ACAA1: variants seen among roughly 807,000 people sequenced by gnomAD.
ACAA1 encodes 3-ketoacyl-CoA thiolase, peroxisomal.
In ACAA1, 44 loss-of-function variants were observed where a neutral mutation model predicts 48.8. That is an observed-to-expected ratio of 0.90 (90% CI 0.71 to 1.16). The LOEUF is 1.16. Ranked by LOEUF, ACAA1 falls within the 50% of genes most tolerant of loss-of-function variation. The pLI is 0.00. For missense variants in ACAA1, 512 were observed against 562.3 expected (o/e 0.91, Z 0.90); for synonymous variants, 233 against 226.5 (o/e 1.03, Z -0.26).
At position 38,126,862 on chromosome 3, in the gene ACAA1, CCTT is replaced by C. The variant is rs1318533688; in HGVS notation, c.627-165_627-163del. On this transcript the variant is annotated intron_variant, in intron 7 of 11. Coordinates refer to ENST00000333167, the MANE Select transcript of ACAA1 (RefSeq NM_001607.4). The surrounding 1 kb of genome is among the most constrained non-coding windows in gnomAD (Gnocchi z 4.7). ...AGGGCATGGCTAAGGCCTTACAGGG[CCTT>C]CTTCACCATCAGCCCCAGACCTCCA... is the stretch of plus-strand genomic sequence containing the variant. Among the ~76,000 whole-genome samples the C allele has an allele frequency of 1.3e-5, 2 of 152,212 alleles. No homozygotes were observed. Among genetic ancestry groups the C allele is most frequent in the African/African-American group, 2.4e-5 (1 of 41,450 alleles).
chr3:38,128,163 G>A (rs1045970358), intron 6 of ACAA1, among the ~76,000 whole-genome samples: 5 of 152,212 alleles, frequency 3.3e-5, no homozygotes, highest in African/African-American at 9.6e-5. Context: ...GTTGCAGAAA[G>A]GAGTTTGTTC....
Position 38,131,911 on chromosome 3 carries a change from C to T in ACAA1, c.403+15G>A. On this transcript the variant is annotated intron_variant, in intron 4 of 11. Coordinates refer to ENST00000333167, the MANE Select transcript of ACAA1 (RefSeq NM_001607.4). ...ACAGGTCCAGGACCAAGGCACCCAC[C>T]CAGTCATAACTTACCTGCTATGCTG... 6.2e-7 allele frequency: 1 copy of T among 1,611,252 alleles called. No homozygotes were observed. Among genetic ancestry groups the T allele is most frequent in the South Asian group, 1.1e-5 (1 of 90,890 alleles).
chr3:38,132,710 A>G (rs1700812598), intron 3 of ACAA1, among the ~76,000 whole-genome samples: 1 of 152,142 alleles, frequency 6.6e-6, no homozygotes, highest in African/African-American at 2.4e-5. Context: ...CAGACTCAGA[A>G]TCTGAGGGAG....
At chr3:38,124,318 C>CTGA (rs1031022004) in intron 11 of ACAA1, 1 of 152,192 alleles carries the variant, frequency 6.6e-6, no homozygotes, top group Non-Finnish European at 1.5e-5. Context: ...TGATCAAAAA[C>CTGA]TGATAGAGCC....
chr3:38,127,920 GGAC>G (rs1280473977), intron 6 of ACAA1, 54 bp from the exon 7 acceptor site: 1 of 1,581,096 alleles, frequency 6.3e-7, no homozygotes, highest in Non-Finnish European at 8.7e-7. Context: ...CTAGAGGAAG[GGAC>G]CAGGCTGTAG....
intron 5 of ACAA1, 113 bp downstream of exon 5, chr3:38,131,475 GTGGCCAGC>G: frequency 9.7e-7 from 1 of 1,035,488 alleles, no homozygotes; most frequent in South Asian, 1.3e-5. Flanking sequence ...GAACCCACTC[GTGGCCAGC>G]TGCCTAAAGG....
At chr3:38,131,543 T>C (rs1252163146) in intron 5 of ACAA1, 53 bp downstream of exon 5, 1 of 1,579,364 alleles carries the variant, frequency 6.3e-7, no homozygotes, top group East Asian at 2.2e-5. Flanking sequence ...AGATGAAAAT[T>C]AGTTTTATTG....
intron 4 of ACAA1, 70 bp downstream of exon 4, chr3:38,131,856 G>C: frequency 6.9e-7 from 1 of 1,455,288 alleles, no homozygotes; most frequent in South Asian, 1.2e-5. Flanking sequence ...TTGCTTGCCC[G>C]GCAGACAGCG....
Position 38,132,033 on chromosome 3 carries a change from C to T in ACAA1, c.324-28G>A, listed in dbSNP as rs538629220. ...GAAACAGAAGGTGAGAAAGTAGAAT[C>T]AGCCCCCAATTCCATGCCAGGCTCT... On this transcript the variant is annotated intron_variant, in intron 3 of 11. Transcript: ENST00000333167. 222 of 1,592,692 alleles carry T rather than the reference C, an allele frequency of 1.4e-4. 1 individual carries two copies. The South Asian group carries it at 2.3e-3, about 17-fold the overall frequency.
chr3:38,125,470 T>G, intron 11 of ACAA1, 95 bp downstream of exon 11: 1 of 1,439,992 alleles, frequency 6.9e-7, no homozygotes, highest in Non-Finnish European at 9.3e-7. Flanking sequence ...CTGTCGAGAT[T>G]ATGATCCAAA....
Position 38,137,028 on chromosome 3 carries a change from C to T in ACAA1, c.8G>A (p.Arg3Lys). MQ[R>K]LQVVLGHLRG... ...CAGGTGGCCCAGCACTACCTGCAGC[C>T]TCTGCATTGCGCAGGTCAACCCTGC... Residue 3 changes from arginine (R) to lysine (K), a missense_variant, in exon 1 of 12, where the codon AGG (arginine) becomes AAG (lysine). Coordinates refer to ENST00000333167, the MANE Select transcript of ACAA1 (RefSeq NM_001607.4). The T allele has an allele frequency of 6.4e-7, 1 of 1,565,484 alleles. No individual in the cohort carries two copies. Among genetic ancestry groups the T allele is most frequent in the Non-Finnish European group, 8.6e-7 (1 of 1,157,762 alleles).
Position 38,129,231 on chromosome 3 carries a change from C to T in ACAA1, c.545+59G>A, listed in dbSNP as rs931341129. 3 of 1,510,004 alleles carry T rather than the reference C, an allele frequency of 2.0e-6. No homozygotes were observed. Among genetic ancestry groups the T allele is most frequent in the African/African-American group, 2.7e-5 (2 of 72,862 alleles). 93.5% of individuals were successfully genotyped at this position (1,510,004 alleles called of 1,614,324 possible). ...CCAGCCACAGAGATGATAAAAGTTC[C>T]TTGGCTCCCTGCCCCAGGCAGAGAG... is the stretch of plus-strand genomic sequence containing the variant. On this transcript the variant is annotated intron_variant, in intron 6 of 11. Transcript: ENST00000333167. The surrounding 1 kb of genome is among the most constrained non-coding windows in gnomAD (Gnocchi z 5.3).
Position 38,137,074 on chromosome 3 carries a change from AACTG to A in ACAA1, c.-43_-40del. 1 of 1,492,298 alleles carries A rather than the reference AACTG, an allele frequency of 6.7e-7. No homozygotes were observed. The highest frequency in any genetic ancestry group is 8.9e-7 in the Non-Finnish European group (1 of 1,119,738). 92.4% of individuals were successfully genotyped at this position (1,492,298 alleles called of 1,614,324 possible). A position where few individuals can be genotyped will look rare whatever the true frequency, so the allele number is the denominator to read the frequency against. ...CCTGCAGACCAGCCACCAGTCCGGGAACTGACCGCGGAGTTAACAGACAGCCGTC... is the reference window on the plus strand; with the variant it reads ...CCTGCAGACCAGCCACCAGTCCGGGAACCGCGGAGTTAACAGACAGCCGTC... On this transcript the variant is annotated 5_prime_UTR_variant, in exon 1 of 12. An upstream open reading frame in the 5' UTR loses its in-frame stop. Transcript: ENST00000333167.
rs377126544 is a variant in ACAA1 at position 38,134,002 on chromosome 3, C to T, written c.273G>A (p.Val91=). Reference sequence around the variant, plus strand: ...TGATTGCCCCGGCCCCAGGCTGCAGCACATTTCCTGTGGACAACAAACTTT... The same window carrying T: ...TGATTGCCCCGGCCCCAGGCTGCAGTACATTTCCTGTGGACAACAAACTTT... ...EQLGDICVGN[V]LQPGAGAIMA... The change falls in exon 3 of 12, where the codon GTG becomes GTA. Residue 91 remains valine (V), a synonymous_variant. Coordinates refer to ENST00000333167, the MANE Select transcript of ACAA1 (RefSeq NM_001607.4). 6.2e-7 allele frequency: 1 copy of T among 1,613,638 alleles called. No individual in the cohort carries two copies. The highest frequency in any genetic ancestry group is 8.5e-7 in the Non-Finnish European group (1 of 1,179,718).
At chr3:38,134,341 C>T (rs989040007) in intron 2 of ACAA1, 6 of 422,696 alleles carry the variant, frequency 1.4e-5, no homozygotes, top group African/African-American at 1.2e-4. Context: ...CAGGTATCCT[C>T]CTGTGAGCCC....
intron 2 of ACAA1, among the ~76,000 whole-genome samples, chr3:38,135,625 A>G (rs1307914603): frequency 6.6e-6 from 1 of 152,128 alleles, no homozygotes; most frequent in African/African-American, 2.4e-5. Flanking sequence ...AAAGAGCAGT[A>G]TTGCCGCCAG....
At position 38,136,986 on chromosome 3, in the gene ACAA1, G is replaced by A. The variant is rs754009365; in HGVS notation, c.50C>T (p.Ser17Phe). The A allele has an allele frequency of 7.7e-6, 12 of 1,561,950 alleles. No homozygotes were observed. Among genetic ancestry groups the A allele is most frequent in the Admixed American group, 7.5e-5 (4 of 53,136 alleles). Residue 17 changes from serine (S) to phenylalanine (F), a missense_variant, in exon 1 of 12, where the codon TCC becomes TTC. Coordinates refer to ENST00000333167, the MANE Select transcript of ACAA1 (RefSeq NM_001607.4). Reference sequence around the variant, plus strand: ...AGGCGCGGCCTGCGGCATCCAGCCGGAATCGGCCGGACCCCTCAGGTGGCC... The same window carrying A: ...AGGCGCGGCCTGCGGCATCCAGCCGAAATCGGCCGGACCCCTCAGGTGGCC... ...VLGHLRGPAD[S>F]GWMPQAAPCL...
At position 38,126,366 on chromosome 3, in the gene ACAA1, A is replaced by T. The variant is rs1295375425; in HGVS notation, c.818-25T>A. 1.2e-6 allele frequency: 2 copies of T among 1,610,886 alleles called. No individual in the cohort carries two copies. The highest frequency in any genetic ancestry group is 2.2e-5 in the East Asian group (1 of 44,838). On this transcript the variant is annotated intron_variant, in intron 8 of 11. Coordinates refer to ENST00000333167, the MANE Select transcript of ACAA1 (RefSeq NM_001607.4). The surrounding 1 kb of genome is among the most constrained non-coding windows in gnomAD (Gnocchi z 4.7). ...CCTAGGGGCAAACTGTTGGGGTAAG[A>T]AGGCATCGGGGTGGGGATGAGGAGA...
At chr3:38,125,989 G>C (rs888965829) in intron 9 of ACAA1, 108 bp from the exon 10 acceptor site, 48 of 1,547,876 alleles carry the variant, frequency 3.1e-5, no homozygotes, top group Non-Finnish European at 4.2e-5. Context: ...CTTCCAGAAG[G>C]GTGAGCCAAT....
Sources: allele counts gnomAD v4.1 joint callset (sites outside exome capture counted in the v4.1 genomes callset), GRCh38; gene constraint gnomAD v4.1.1; non-coding constraint Gnocchi (gnomAD v3.1); transcripts MANE v1.5; gene names NCBI Gene and HGNC (gene_info 2026-07-23, HGNC 2026-07-21).